Variants in STX17 observed in about 807,000 individuals in gnomAD.
STX17 encodes syntaxin-17.
In STX17, 29 loss-of-function variants were observed where a neutral mutation model predicts 35.9. That is an observed-to-expected ratio of 0.81 (90% confidence interval 0.60 to 1.10). The LOEUF is 1.10. Ranked by LOEUF, STX17 falls within the 50% of genes least tolerant of loss-of-function variation. The pLI is 0.00. For missense variants in STX17, 312 were observed against 352.3 expected (o/e 0.89, Z 0.92); for synonymous variants, 92 against 118.3 (o/e 0.78, Z 1.44).
intron 3 of STX17, among the ~76,000 whole-genome samples, chr9:99,937,676 C>A (rs1829263973): frequency 6.6e-6 from 1 of 151,980 alleles, no homozygotes; most frequent in African/African-American, 2.4e-5. Context: ...ATTTTTATAT[C>A]TTTTTCTACT....
chr9:99,957,008 T>C (rs1829722091), intron 4 of STX17, among the ~76,000 whole-genome samples: 1 of 152,186 alleles, frequency 6.6e-6, no homozygotes, highest in Non-Finnish European at 1.5e-5. Context: ...ACAGCTCTCT[T>C]TGGTGTGCCA....
rs1173269634 is a variant in STX17 at position 99,966,985 on chromosome 9, G to T, written c.583-668G>T. ...TTGCTGTTGTGCCAGCACAGGTGTT[G>T]CCATTTTATGTAGAATGCTTTATTA... On this transcript the variant is annotated intron_variant, in intron 6 of 7. Transcript: ENST00000259400. Among the ~76,000 whole-genome samples the T allele has an allele frequency of 2.6e-5, 4 of 152,172 alleles. No homozygotes were observed. The East Asian group carries it at 7.7e-4, about 29-fold the overall frequency.
At chr9:99,933,534 G>T (rs1215247492) in intron 3 of STX17, among the ~76,000 whole-genome samples, 3 of 152,116 alleles carry the variant, frequency 2.0e-5, no homozygotes, top group Non-Finnish European at 2.9e-5. Flanking sequence ...TTTCCTGCCT[G>T]TGAATATGGG....
intron 3 of STX17, among the ~76,000 whole-genome samples, chr9:99,935,296 C>G (rs1362909204): frequency 7.0e-6 from 1 of 143,290 alleles, no homozygotes; most frequent in Admixed American, 7.2e-5. Flanking sequence ...CACCACTGTA[C>G]TCCAGCCTGG....
intron 2 of STX17, among the ~76,000 whole-genome samples, chr9:99,928,405 T>C (rs1366240973): frequency 1.3e-5 from 2 of 151,896 alleles, no homozygotes; most frequent in Non-Finnish European, 2.9e-5. Context: ...GTACAATTCT[T>C]CATATACAAT....
chr9:99,917,792 AAC>A (rs1828804807), intron 2 of STX17, among the ~76,000 whole-genome samples: 1 of 152,186 alleles, frequency 6.6e-6, no homozygotes, highest in Admixed American at 6.5e-5. Flanking sequence ...TTTGGGGAAA[AAC>A]TTACTGTGTA....
chr9:99,954,271 C>A (rs1829664683), intron 4 of STX17, among the ~76,000 whole-genome samples: 1 of 151,852 alleles, frequency 6.6e-6, no homozygotes, highest in Non-Finnish European at 1.5e-5. Context: ...TAGGTTATAC[C>A]TAAAATAGTG....
At chr9:99,929,459 G>A (rs1342078058) in intron 3 of STX17, among the ~76,000 whole-genome samples, 2 of 151,428 alleles carry the variant, frequency 1.3e-5, no homozygotes, top group Middle Eastern at 3.2e-3. Flanking sequence ...ACAAATAGAG[G>A]GCTTATAATA....
rs562297513 is a variant in STX17, at chr9:99,957,814, G to A, written c.416-2103G>A. Reference sequence around the variant, plus strand: ...GATTACAGGTGTGTGCCACCATGCCGGCTAATTTTTTGTGTTTTAGTAGAG... The same window carrying A: ...GATTACAGGTGTGTGCCACCATGCCAGCTAATTTTTTGTGTTTTAGTAGAG... On this transcript the variant is annotated intron_variant, in intron 4 of 7. Transcript: ENST00000259400. Among the ~76,000 whole-genome samples the A allele has an allele frequency of 5.3e-5, 8 of 151,374 alleles. No individual in the cohort carries two copies. The East Asian group carries it at 7.7e-4, about 15-fold the overall frequency.
At chr9:99,961,494 T>C (rs1282761801) in intron 6 of STX17, among the ~76,000 whole-genome samples, 2 of 152,224 alleles carry the variant, frequency 1.3e-5, no homozygotes, top group African/African-American at 4.8e-5. Context: ...CAAAGTCAAT[T>C]TGTTGGGAAA....
chr9:99,940,386 C>T (rs1450689950), intron 3 of STX17, among the ~76,000 whole-genome samples: 2 of 151,928 alleles, frequency 1.3e-5, no homozygotes, highest in African/African-American at 2.4e-5. Flanking sequence ...CCCGCGTCGG[C>T]CTCCCAAGGT....
intron 2 of STX17, among the ~76,000 whole-genome samples, chr9:99,927,983 A>T (rs950437787): frequency 1.3e-5 from 2 of 152,124 alleles, no homozygotes; most frequent in African/African-American, 4.8e-5. Flanking sequence ...GGGAATTTTT[A>T]TGTTTCTATC....
chr9:99,919,068 A>G (rs997106168), intron 2 of STX17, among the ~76,000 whole-genome samples: 7 of 152,114 alleles, frequency 4.6e-5, no homozygotes, highest in Non-Finnish European at 1.0e-4. Context: ...CTTGGTATCC[A>G]GTGTCCTTAG....
At position 99,973,361 on chromosome 9, in the gene STX17, C is replaced by G. The variant is rs1205593755; in HGVS notation, c.*4688C>G. ...TGAGTGTTAGGCCCTGTCAAGCCAC[C>G]TGCTAAGGCTCATGGTCTTTCAGAC... On this transcript the variant is annotated 3_prime_UTR_variant, in exon 8 of 8. Transcript: ENST00000259400. 6.6e-6 allele frequency among the ~76,000 whole-genome samples: 1 copy of G among 152,214 alleles called. No individual in the cohort carries two copies. The highest frequency in any genetic ancestry group is 1.9e-4 in the East Asian group (1 of 5,200).
rs369284557 is a variant in STX17, at chr9:99,915,209, T to C, written c.-31T>C. On this transcript the variant is annotated 5_prime_UTR_variant, in exon 2 of 8. Transcript: ENST00000259400. Reference sequence around the variant, plus strand: ...CTATATGAGTGGAGAAGACAGCTGTTACCAGGGAGGTCATACAACATTTTT... The same window carrying C: ...CTATATGAGTGGAGAAGACAGCTGTCACCAGGGAGGTCATACAACATTTTT... 9.4e-6 allele frequency: 15 copies of C among 1,598,074 alleles called. No homozygotes were observed. In the East Asian group the frequency reaches 3.2e-4, roughly 34 times the overall value.
rs564896661 is a variant in STX17 at position 99,946,027 on chromosome 9, G to T, written c.190-5033G>T. ...AAACCTGGGAGGCGGAGGTTGCAGT[G>T]AGCCAAAATCGTGCCACTGCACTCC... On this transcript the variant is annotated intron_variant, in intron 3 of 7. Coordinates refer to ENST00000259400, the MANE Select transcript of STX17 (RefSeq NM_017919.3). Among the ~76,000 whole-genome samples the T allele has an allele frequency of 9.3e-4, 142 of 152,300 alleles. 1 individual carries two copies. The highest frequency in any genetic ancestry group is 1.6e-3 in the Non-Finnish European group (111 of 68,020).
chr9:99,967,490 A>T (rs1196877376), intron 6 of STX17, 163 bp from the exon 7 acceptor site: 6 of 315,062 alleles, frequency 1.9e-5, no homozygotes, highest in Middle Eastern at 9.1e-4. Context: ...TATGAAAGTT[A>T]ATTTGTCCTT....
chr9:99,951,011 A>G (rs1443464162), intron 3 of STX17, 49 bp from the exon 4 acceptor site: 3 of 1,472,724 alleles, frequency 2.0e-6, no homozygotes, highest in African/African-American at 2.9e-5. Flanking sequence ...GAAAAGAAAG[A>G]TATCTTATAC....
intron 7 of STX17, 138 bp downstream of exon 7, chr9:99,967,877 G>C: frequency 1.4e-6 from 1 of 701,138 alleles, no homozygotes; most frequent in Non-Finnish European, 2.5e-6. Context: ...CACATAGGTA[G>C]TGTAAGAAAT....
Sources: gnomAD v4.1 joint callset for allele counts (sites outside exome capture counted in the v4.1 genomes callset) on GRCh38, gnomAD v4.1.1 for gene constraint, MANE v1.5 for transcripts, NCBI Gene and HGNC (gene_info 2026-07-23, HGNC 2026-07-21) for gene names.